The following SYT13 variants were observed in gnomAD, a reference collection of about 807,000 sequenced individuals.
The protein encoded by SYT13 is synaptotagmin 13.
Under a neutral mutation model 38.6 loss-of-function variants are expected in SYT13, and 21 were observed. The observed-to-expected ratio is 0.54, with a 90% CI of 0.39 to 0.78. The LOEUF is 0.78. SYT13 is among the 30% of genes least tolerant of loss of function. SYT13 has a pLI of 0.00. For synonymous variants in SYT13, 241 were observed against 237.6 expected (o/e 1.01, Z -0.13); for missense variants, 495 against 548.7 (o/e 0.90, Z 0.98).
chr11:45,285,146 T>C (rs867621691), intron 1 of SYT13, among the ~76,000 whole-genome samples: 3 of 152,236 alleles, frequency 2.0e-5, no homozygotes, highest in African/African-American at 7.2e-5. Context: ...CTTTGCCTCC[T>C]GGTTCTCCAG....
intron 1 of SYT13, among the ~76,000 whole-genome samples, chr11:45,256,300 A>G (rs1590515086): frequency 6.6e-6 from 1 of 150,938 alleles, no homozygotes; most frequent in Non-Finnish European, 1.5e-5. Context: ...CAAAATCCAG[A>G]CTCCTTGCAG....
chr11:45,251,554 G>A (rs1854675421), intron 4 of SYT13, among the ~76,000 whole-genome samples: 1 of 152,122 alleles, frequency 6.6e-6, no homozygotes, highest in South Asian at 2.1e-4. Context: ...CAATCTGGTT[G>A]AGAGACTAGT....
At position 45,242,926 on chromosome 11, in the gene SYT13, G is replaced by C. The variant is rs1473753397; in HGVS notation, c.*1126C>G. 6.6e-6 allele frequency: 1 copy of C among 152,192 alleles called. No homozygotes were observed. Among genetic ancestry groups the C allele is most frequent in the African/African-American group, 2.4e-5 (1 of 41,440 alleles). 9.4% of individuals were successfully genotyped at this position (152,192 alleles called of 1,614,324 possible). ...ACCCATTCAAGTGAAAACAGACAGA[G>C]GGAGGCACAGTTGCAAAAGACCTGA... On this transcript the variant is annotated 3_prime_UTR_variant, in exon 6 of 6. Transcript: ENST00000020926.
At chr11:45,257,152 A>G (rs1036659891) in intron 1 of SYT13, among the ~76,000 whole-genome samples, 1 of 152,198 alleles carries the variant, frequency 6.6e-6, no homozygotes, top group African/African-American at 2.4e-5. Flanking sequence ...CTTTCTTTTC[A>G]AAAAGACCCA....
chr11:45,248,057 C>T (rs1854633977), intron 4 of SYT13, among the ~76,000 whole-genome samples: 1 of 152,190 alleles, frequency 6.6e-6, no homozygotes, highest in African/African-American at 2.4e-5. Context: ...AGTTCCAATC[C>T]TACCATTTAC....
At chr11:45,280,433 A>T (rs1328647619) in intron 1 of SYT13, among the ~76,000 whole-genome samples, 1 of 152,228 alleles carries the variant, frequency 6.6e-6, no homozygotes, top group South Asian at 2.1e-4. Flanking sequence ...CAATAAAAAA[A>T]TACTGGCCTG....
At chr11:45,257,416 T>G (rs1289117721) in intron 1 of SYT13, among the ~76,000 whole-genome samples, 1 of 152,076 alleles carries the variant, frequency 6.6e-6, no homozygotes, top group Non-Finnish European at 1.5e-5. Context: ...TGACTGAGTC[T>G]CCCAAGAAAC....
intron 4 of SYT13, among the ~76,000 whole-genome samples, chr11:45,250,637 C>T (rs1854661859): frequency 6.6e-6 from 1 of 152,164 alleles, no homozygotes; most frequent in African/African-American, 2.4e-5. Flanking sequence ...ACAGAAGTCC[C>T]AAATCACACA....
chr11:45,275,815 A>C (rs1295838177), intron 1 of SYT13, among the ~76,000 whole-genome samples: 2 of 152,076 alleles, frequency 1.3e-5, no homozygotes, highest in Non-Finnish European at 2.9e-5. Context: ...ATTGGGGGGA[A>C]TTTTAGTGGG....
chr11:45,266,781 A>G (rs1854886683), intron 1 of SYT13, among the ~76,000 whole-genome samples: 2 of 152,226 alleles, frequency 1.3e-5, no homozygotes, highest in Admixed American at 1.3e-4. Context: ...CAAAGGTTTG[A>G]TCTGTGCCCA....
At chr11:45,257,198 A>G (rs372669641) in intron 1 of SYT13, among the ~76,000 whole-genome samples, 141 of 152,296 alleles carry the variant, frequency 9.3e-4, no homozygotes, top group African/African-American at 3.3e-3. Flanking sequence ...GGGGCTCCTC[A>G]CACAGCATCT....
Position 45,244,331 on chromosome 11 carries a change from C to T in SYT13, c.1002G>A (p.Lys334=), listed in dbSNP as rs1177366594. Residue 334 remains lysine (K), a synonymous_variant, in exon 6 of 6, where the codon AAG becomes AAA. Coordinates refer to ENST00000020926, the MANE Select transcript of SYT13 (RefSeq NM_020826.3). Reference sequence around the variant, plus strand: ...TCTTCTTCAGCTTCCGAGCCTGGTGCTTCAAGGTCACCTTGACAGAGACAT... The same window carrying T: ...TCTTCTTCAGCTTCCGAGCCTGGTGTTTCAAGGTCACCTTGACAGAGACAT... ...GKDVSVKVTL[K]HQARKLKKKQ... The T allele has an allele frequency of 3.1e-6, 5 of 1,613,532 alleles. No homozygotes were observed. Among genetic ancestry groups the T allele is most frequent in the Non-Finnish European group, 1.7e-6 (2 of 1,179,768 alleles).
intron 1 of SYT13, among the ~76,000 whole-genome samples, chr11:45,257,555 G>T (rs1288852983): frequency 6.6e-6 from 1 of 152,242 alleles, no homozygotes; most frequent in Non-Finnish European, 1.5e-5. Flanking sequence ...GCACTGTGTA[G>T]GGGAGGGAGT....
At chr11:45,265,031 C>G (rs1854864832) in intron 1 of SYT13, among the ~76,000 whole-genome samples, 1 of 152,254 alleles carries the variant, frequency 6.6e-6, no homozygotes, top group Non-Finnish European at 1.5e-5. Flanking sequence ...TGCAAGAAGA[C>G]TTAGACATGG....
At chr11:45,281,171 G>A (rs1297641985) in intron 1 of SYT13, among the ~76,000 whole-genome samples, 4 of 151,726 alleles carry the variant, frequency 2.6e-5, no homozygotes, top group Admixed American at 6.6e-5. Flanking sequence ...ACTCCATTCT[G>A]GATGACAGAG....
intron 1 of SYT13, among the ~76,000 whole-genome samples, chr11:45,272,619 T>C (rs1311771701): frequency 6.6e-6 from 1 of 152,218 alleles, no homozygotes; most frequent in African/African-American, 2.4e-5. Flanking sequence ...CTGTGTTACA[T>C]GGGCTGACAA....
In SYT13 at chr11:45,240,975, T is replaced by A. The variant is rs1376346791; in HGVS notation, c.*3077A>T. On this transcript the variant is annotated 3_prime_UTR_variant, in exon 6 of 6. Transcript: ENST00000020926. The stretch of plus-strand genomic sequence containing the variant: ...GTACAAGGTAAGCTGATGCAAAGAC[T>A]ACTGAAATATTTTTATTTGGCAGTT... 1 of 152,248 alleles carries A rather than the reference T, an allele frequency of 6.6e-6. No homozygotes were observed. The highest frequency in any genetic ancestry group is 1.5e-5 in the Non-Finnish European group (1 of 68,044). 9.4% of individuals were successfully genotyped at this position (152,248 alleles called of 1,614,324 possible).
intron 1 of SYT13, among the ~76,000 whole-genome samples, chr11:45,284,650 A>C (rs1014649471): frequency 5.3e-5 from 8 of 152,076 alleles, no homozygotes; most frequent in African/African-American, 1.9e-4. Flanking sequence ...CTCTCTAGGA[A>C]GGGGAGGGGG....
intron 1 of SYT13, among the ~76,000 whole-genome samples, chr11:45,266,125 C>T (rs559618465): frequency 4.5e-4 from 68 of 152,262 alleles, no homozygotes; most frequent in Admixed American, 2.0e-3. Flanking sequence ...ATTGGGCTTT[C>T]TGGGGTGGTT....
Sources: gnomAD v4.1 joint callset for allele counts (sites outside exome capture counted in the v4.1 genomes callset) on GRCh38, gnomAD v4.1.1 for gene constraint, MANE v1.5 for transcripts, NCBI Gene and HGNC (gene_info 2026-07-23, HGNC 2026-07-21) for gene names.